OR1B1: variants seen among roughly 807,000 people sequenced by gnomAD.
The protein encoded by OR1B1 is olfactory receptor family 1 subfamily B member 1, also known as olfactory receptor 1B1.
For missense variants in OR1B1, 414 were observed against 402.1 expected, an observed-to-expected ratio of 1.03 and a Z score of -0.25; for synonymous variants, 168 against 156.2, an observed-to-expected ratio of 1.08 and a Z score of -0.57.
chr9:122,636,311 C>T, the OR1B1 span, among the ~76,000 whole-genome samples: 4 of 152,202 alleles, frequency 2.6e-5, no homozygotes, highest in East Asian at 1.9e-4. Flanking sequence ...CATGCATGCA[C>T]GCATACATAC....
chr9:122,628,673 G>T (rs1355861441), exon 1 of OR1B1: 1 of 1,613,982 alleles, frequency 6.2e-7, no homozygotes, highest in South Asian at 1.1e-5. Flanking sequence ...GGCCAAAGGT[G>T]TAATGGCAGT....
the OR1B1 span, among the ~76,000 whole-genome samples, chr9:122,638,021 G>A: frequency 6.6e-6 from 1 of 152,114 alleles, no homozygotes; most frequent in Non-Finnish European, 1.5e-5. Context: ...CAACATGCAT[G>A]GAGTGTAAAA....
At chr9:122,639,465 T>C in the OR1B1 span, 1 of 152,214 alleles carries the variant, frequency 6.6e-6, no homozygotes, top group African/African-American at 2.4e-5. Flanking sequence ...TTCTCTGTGA[T>C]ATATATTTGG....
At chr9:122,634,566 A>G (rs1830239131), upstream of OR1B1, among the ~76,000 whole-genome samples, 1 of 151,990 alleles carries the variant, frequency 6.6e-6, no homozygotes, top group Admixed American at 6.6e-5. Flanking sequence ...TTATAAAACC[A>G]TAAGATCTCG....
At chr9:122,631,893 T>C (rs1399871645), upstream of OR1B1, among the ~76,000 whole-genome samples, 5 of 152,072 alleles carry the variant, frequency 3.3e-5, no homozygotes, top group South Asian at 1.0e-3. Context: ...GTGCTTTCCA[T>C]GGGAATGCAG....
At chr9:122,640,979 G>C in the OR1B1 span, among the ~76,000 whole-genome samples, 1 of 152,162 alleles carries the variant, frequency 6.6e-6, no homozygotes, top group East Asian at 1.9e-4. Flanking sequence ...ATAAATATTA[G>C]ATGCAAAACA....
the OR1B1 span, among the ~76,000 whole-genome samples, chr9:122,655,638 T>C: frequency 8.2e-6 from 1 of 122,016 alleles, no homozygotes; most frequent in African/African-American, 3.2e-5. Context: ...GAGCTGGCAA[T>C]GAGAACACAT....
the OR1B1 span, among the ~76,000 whole-genome samples, chr9:122,641,762 ATATAAG>A: frequency 2.6e-5 from 4 of 152,350 alleles, no homozygotes; most frequent in Admixed American, 2.6e-4. Context: ...CACCACAAAA[ATATAAG>A]TATGTGAGAT....
At chr9:122,655,357 T>C in the OR1B1 span, among the ~76,000 whole-genome samples, 2 of 152,126 alleles carry the variant, frequency 1.3e-5, no homozygotes, top group African/African-American at 4.8e-5. Flanking sequence ...TATTACCGGC[T>C]CCTTGAAAGT....
chr9:122,635,476 A>G, the OR1B1 span, among the ~76,000 whole-genome samples: 2 of 152,160 alleles, frequency 1.3e-5, no homozygotes, highest in East Asian at 1.9e-4. Flanking sequence ...ATAATATTGC[A>G]TTGTATACTT....
At chr9:122,654,355 T>A in the OR1B1 span, among the ~76,000 whole-genome samples, 2 of 152,212 alleles carry the variant, frequency 1.3e-5, no homozygotes, top group Non-Finnish European at 2.9e-5. Flanking sequence ...GCTCACAGCA[T>A]CTATCTGATT....
chr9:122,643,655 C>T, the OR1B1 span, among the ~76,000 whole-genome samples: 56 of 152,312 alleles, frequency 3.7e-4, no homozygotes, highest in Non-Finnish European at 6.3e-4. Context: ...GGAAGGCTGG[C>T]GCCATACCTC....
At chr9:122,631,871 A>G (rs1401541527), upstream of OR1B1, among the ~76,000 whole-genome samples, 3 of 152,222 alleles carry the variant, frequency 2.0e-5, no homozygotes, top group Non-Finnish European at 4.4e-5. Flanking sequence ...TCTGGACTAC[A>G]TGGAAGGAAA....
the OR1B1 span, among the ~76,000 whole-genome samples, chr9:122,653,797 A>G: frequency 6.6e-6 from 1 of 152,208 alleles, no homozygotes; most frequent in African/African-American, 2.4e-5. Flanking sequence ...GCTTACACTC[A>G]AGATCCCCTC....
chr9:122,632,481 T>A (rs550891373), upstream of OR1B1, among the ~76,000 whole-genome samples: 9 of 152,148 alleles, frequency 5.9e-5, 1 homozygote, highest in South Asian at 1.0e-3. Flanking sequence ...CAAGAGTAAG[T>A]TCTTTAGTGG....
At chr9:122,633,418 T>G (rs1465596651), upstream of OR1B1, among the ~76,000 whole-genome samples, 1 of 152,022 alleles carries the variant, frequency 6.6e-6, no homozygotes, top group Non-Finnish European at 1.5e-5. Context: ...TTACACCAAA[T>G]GCTCAGGCAA....
At chr9:122,643,902 C>A in the OR1B1 span, among the ~76,000 whole-genome samples, 315 of 152,292 alleles carry the variant, frequency 2.1e-3, 1 homozygote, top group African/African-American at 7.2e-3. Context: ...CTAGTCCTGG[C>A]AGGATTCATC....
chr9:122,637,132 C>A, the OR1B1 span: 1 of 152,140 alleles, frequency 6.6e-6, no homozygotes, highest in Admixed American at 6.6e-5. Flanking sequence ...CAGAAACCTG[C>A]ATTAGGGAAA....
the OR1B1 span, among the ~76,000 whole-genome samples, chr9:122,635,460 A>T: frequency 6.6e-6 from 1 of 152,202 alleles, no homozygotes; most frequent in Non-Finnish European, 1.5e-5. Context: ...GCAAGAAGAC[A>T]TATTAATAAT....
Sources: gnomAD v4.1 joint callset for allele counts (sites outside exome capture counted in the v4.1 genomes callset) on GRCh38, gnomAD v4.1.1 for gene constraint, MANE v1.5 for transcripts, NCBI Gene and HGNC (gene_info 2026-07-23, HGNC 2026-07-21) for gene names.